The following CCNY variants were observed in gnomAD, a reference collection of about 807,000 sequenced individuals.
CCNY encodes cyclin Y.
Under a neutral mutation model 42.8 loss-of-function variants are expected in CCNY, and 19 were observed. The ratio of observed to expected loss-of-function variants is 0.44; its 90% CI spans 0.31 to 0.65. The LOEUF (loss-of-function observed/expected upper bound fraction) is 0.65. CCNY is among the 30% of genes least tolerant of loss of function. The probability of loss-of-function intolerance (pLI) is 0.07; values close to 1 mark genes in which losing one functional copy is unlikely to be tolerated. For synonymous variants in CCNY, 165 were observed against 162.7 expected (o/e 1.01, Z -0.11); for missense variants, 370 against 437.3 (o/e 0.85, Z 1.37).
intron 3 of CCNY, among the ~76,000 whole-genome samples, chr10:35,277,948 C>G (rs1835257949): frequency 6.6e-6 from 1 of 152,132 alleles, no homozygotes; most frequent in African/African-American, 2.4e-5. Flanking sequence ...ATCCTGAGGA[C>G]AGTGGGGAGC....
intron 1 of CCNY, among the ~76,000 whole-genome samples, chr10:35,456,683 T>C (rs769863276): frequency 7.9e-5 from 12 of 152,226 alleles, no homozygotes; most frequent in Admixed American, 2.0e-4. Context: ...GGCTATGATA[T>C]TGCCTTTCTA....
At chr10:35,251,141 A>T (rs1462332251) in intron 3 of CCNY, 1 of 152,198 alleles carries the variant, frequency 6.6e-6, no homozygotes, top group Non-Finnish European at 1.5e-5. Flanking sequence ...TCACACCTGA[A>T]ATCTCAGCAC....
At chr10:35,493,081 T>A (rs888951174) in intron 2 of CCNY, among the ~76,000 whole-genome samples, 9 of 152,298 alleles carry the variant, frequency 5.9e-5, no homozygotes, top group Admixed American at 2.0e-4. Context: ...CTCACTTTTC[T>A]TGGGTGCATC....
At chr10:35,290,515 T>C (rs1035971132) in intron 3 of CCNY, among the ~76,000 whole-genome samples, 1 of 152,254 alleles carries the variant, frequency 6.6e-6, no homozygotes. Context: ...CTAAATTTCG[T>C]TGATTTATTT....
At chr10:35,416,517 A>G (rs143483744) in intron 1 of CCNY, among the ~76,000 whole-genome samples, 50 of 152,294 alleles carry the variant, frequency 3.3e-4, no homozygotes, top group African/African-American at 1.2e-3. Flanking sequence ...AAAATAATTC[A>G]TGAGTTTGGG....
chr10:35,338,903 A>G (rs1021297716), intron 1 of CCNY, among the ~76,000 whole-genome samples: 1 of 152,240 alleles, frequency 6.6e-6, no homozygotes, highest in Non-Finnish European at 1.5e-5. Context: ...GTAACCAGGT[A>G]TTTGGCACTA....
At chr10:35,428,588 A>T (rs948643911) in intron 1 of CCNY, among the ~76,000 whole-genome samples, 8 of 152,122 alleles carry the variant, frequency 5.3e-5, no homozygotes, top group Non-Finnish European at 7.4e-5. Flanking sequence ...GGGTTTAAGC[A>T]AGGGGTAAGG....
intron 3 of CCNY, among the ~76,000 whole-genome samples, chr10:35,259,135 G>A (rs959383989): frequency 2.3e-4 from 35 of 152,072 alleles, no homozygotes; most frequent in Admixed American, 2.0e-3. Context: ...GATTCTGCCC[G>A]GGTAATTGTT....
At chr10:35,492,393 C>CT (rs1839917855) in intron 2 of CCNY, among the ~76,000 whole-genome samples, 1 of 152,224 alleles carries the variant, frequency 6.6e-6, no homozygotes, top group Non-Finnish European at 1.5e-5. Context: ...TGATAGACAC[C>CT]TTTCCTTGGC....
At chr10:35,434,986 A>G (rs3013363) in intron 1 of CCNY, among the ~76,000 whole-genome samples, 58,085 of 152,034 alleles carry the variant, frequency 0.38, 11,341 homozygotes, top group African/African-American at 0.45. Flanking sequence ...GAGCGCTGTG[A>G]GATGATGGAC....
At position 35,303,335 on chromosome 10, in the gene CCNY, GA is replaced by G. The variant is rs574943507; in HGVS notation, c.-9+52710del. ...AGCTGGGATTACAGGCATGCACCAT[GA>G]CGCCTGGCTAATTTTGTATTTTCAG... is the stretch of plus-strand genomic sequence containing the variant. On this transcript the variant is annotated intron_variant, in intron 3 of 11. Transcript: ENST00000374706. 4.2e-3 allele frequency among the ~76,000 whole-genome samples: 634 copies of G among 151,662 alleles called. 2 individuals carry two copies. Among genetic ancestry groups the G allele is most frequent in the African/African-American group, 0.014 (585 of 41,388 alleles).
At chr10:35,424,342 T>C (rs1838221491) in intron 1 of CCNY, among the ~76,000 whole-genome samples, 2 of 152,348 alleles carry the variant, frequency 1.3e-5, no homozygotes, top group South Asian at 4.1e-4. Context: ...TTCTCCTGCC[T>C]CAACCTCCCA....
chr10:35,554,429 A>G, intron 8 of CCNY, among the ~76,000 whole-genome samples: 1 of 152,364 alleles, frequency 6.6e-6, no homozygotes, highest in East Asian at 1.9e-4. Flanking sequence ...AGAACTATAT[A>G]GTAAGAAAAA....
At chr10:35,502,511 C>T (rs775215027) in intron 3 of CCNY, among the ~76,000 whole-genome samples, 31 of 152,056 alleles carry the variant, frequency 2.0e-4, no homozygotes, top group Non-Finnish European at 3.4e-4. Flanking sequence ...ATAAGCTGGG[C>T]CCTTACACTC....
intron 7 of CCNY, among the ~76,000 whole-genome samples, chr10:35,540,104 G>C (rs1161546346): frequency 3.3e-5 from 5 of 152,286 alleles, no homozygotes; most frequent in African/African-American, 1.2e-4. Flanking sequence ...CTAGTAAAGT[G>C]TTGAATAGAA....
intron 1 of CCNY, among the ~76,000 whole-genome samples, chr10:35,386,369 A>G (rs1194400503): frequency 6.6e-6 from 1 of 152,198 alleles, no homozygotes; most frequent in Non-Finnish European, 1.5e-5. Flanking sequence ...TAAGAGAGCT[A>G]TGCATCCTGG....
At chr10:35,428,883 C>T (rs539208379) in intron 1 of CCNY, among the ~76,000 whole-genome samples, 80 of 152,228 alleles carry the variant, frequency 5.3e-4, no homozygotes, top group African/African-American at 1.9e-3. Context: ...TGGGAAAGTA[C>T]CCTGAACCCA....
chr10:35,461,316 G>C, intron 1 of CCNY, among the ~76,000 whole-genome samples: 1 of 152,130 alleles, frequency 6.6e-6, no homozygotes, highest in East Asian at 1.9e-4. Context: ...AATATAGCAT[G>C]GGCAAGTGGG....
rs201401222 is a variant in CCNY, at chr10:35,453,842, T to TA, written c.155-29552dup. ...CCAATTTTTAAACTAAGACCTATAGTAAAAAAAAAATTTATATTTGAATCC... is the reference window on the plus strand; with the variant it reads ...CCAATTTTTAAACTAAGACCTATAGTAAAAAAAAAAATTTATATTTGAATCC... On this transcript the variant is annotated intron_variant, in intron 1 of 9. Coordinates refer to ENST00000374704, the MANE Select transcript of CCNY (RefSeq NM_145012.6). 6.1e-3 allele frequency among the ~76,000 whole-genome samples: 923 copies of TA among 150,752 alleles called. 4 individuals carry two copies. Among genetic ancestry groups the TA allele is most frequent in the African/African-American group, 0.013 (544 of 41,178 alleles).
Sources: gnomAD v4.1 joint callset for allele counts (sites outside exome capture counted in the v4.1 genomes callset) on GRCh38, gnomAD v4.1.1 for gene constraint, MANE v1.5 for transcripts, NCBI Gene and HGNC (gene_info 2026-07-23, HGNC 2026-07-21) for gene names.